Variants in SLC6A17 observed in about 807,000 individuals in gnomAD.
SLC6A17 encodes the protein sodium-dependent neutral amino acid transporter SLC6A17.
Under a neutral mutation model 64.5 loss-of-function variants are expected in SLC6A17, and 21 were observed. The observed-to-expected ratio is 0.33, with a 90% CI of 0.23 to 0.47. The LOEUF (loss-of-function observed/expected upper bound fraction) is 0.47. Ranked by LOEUF, SLC6A17 falls within the 20% of genes least tolerant of loss-of-function variation. SLC6A17 has a pLI of 1.00. For synonymous variants in SLC6A17, 372 were observed against 399.5 expected (o/e 0.93, Z 0.82); for missense variants, 682 against 963.2 (o/e 0.71, Z 3.86).
intron 1 of SLC6A17, among the ~76,000 whole-genome samples, chr1:110,165,594 A>T (rs539763968): frequency 1.3e-5 from 2 of 152,138 alleles, no homozygotes; most frequent in Non-Finnish European, 2.9e-5. Context: ...GTTTCATTAC[A>T]TGTGTAACAG....
In SLC6A17 at chr1:110,201,064, C is replaced by G. The variant is rs962317531; in HGVS notation, c.*2620C>G. ...GGCGTTAAGGGAAAAAAAAAATCCT[C>G]AAATTTATTTACCAGTCAGCTTCTT... On this transcript the variant is annotated 3_prime_UTR_variant, in exon 12 of 12. Transcript: ENST00000331565. 3.3e-5 allele frequency: 5 copies of G among 152,094 alleles called. No homozygotes were observed. The highest frequency in any genetic ancestry group is 1.2e-4 in the African/African-American group (5 of 41,404). The allele number at this position is 152,094 out of a possible 1,614,324, so 9.4% of individuals were successfully genotyped here.
At position 110,198,548 on chromosome 1, in the gene SLC6A17, T is replaced by A; in HGVS notation, c.*104T>A. Reference sequence around the variant, plus strand: ...GGCCACCAGGCCCAGGCCAGGCCCTTTGCCCAAGAAGAGAGGGTCTGCCCT... The same window carrying A: ...GGCCACCAGGCCCAGGCCAGGCCCTATGCCCAAGAAGAGAGGGTCTGCCCT... On this transcript the variant is annotated 3_prime_UTR_variant, in exon 12 of 12. Coordinates refer to ENST00000331565, the MANE Select transcript of SLC6A17 (RefSeq NM_001010898.4). The A allele has an allele frequency of 6.6e-7, 1 of 1,504,654 alleles. No individual in the cohort carries two copies. Among genetic ancestry groups the A allele is most frequent in the Non-Finnish European group, 8.8e-7 (1 of 1,133,084 alleles). The allele number at this position is 1,504,654 out of a possible 1,614,324, so 93.2% of individuals were successfully genotyped here.
intron 5 of SLC6A17, 23 bp from the exon 6 acceptor site, chr1:110,176,606 G>C: frequency 1.2e-6 from 2 of 1,610,432 alleles, no homozygotes; most frequent in Non-Finnish European, 1.7e-6. Flanking sequence ...CTGCCTGATG[G>C]GGGTTCCCTG....
Position 110,198,380 on chromosome 1 carries a change from G to A in SLC6A17, c.2120G>A (p.Gly707Asp). The A allele has an allele frequency of 1.2e-6, 2 of 1,614,028 alleles. No individual in the cohort carries two copies. The highest frequency in any genetic ancestry group is 1.7e-4 in the Middle Eastern group (1 of 6,060). Residue 707 changes from glycine (G) to aspartate (D), a missense_variant, in exon 12 of 12, where the codon GGT (glycine) becomes GAT (aspartate). Transcript: ENST00000331565. ...PGSTSPLETS[G>D]NPNGRYGSGY... Reference sequence around the variant, plus strand: ...AGCACATCACCCCTGGAGACCAGCGGTAACCCCAATGGACGCTATGGGAGC... The same window carrying A: ...AGCACATCACCCCTGGAGACCAGCGATAACCCCAATGGACGCTATGGGAGC...
chr1:110,163,018 TAA>T (rs67702050), intron 1 of SLC6A17, among the ~76,000 whole-genome samples: 9,899 of 102,060 alleles, frequency 0.097, 392 homozygotes, highest in African/African-American at 0.16. Context: ...CCCATGTTGG[TAA>T]AAAAAAAAAA....
Position 110,195,760 on chromosome 1 carries a change from G to A in SLC6A17, c.1652+15G>A, listed in dbSNP as rs1051963592. ...GGAACCAAGAAGTAAGAGGAACATGGGGGAAAGGTGGGATGGGAGGAGGGG... is the reference window on the plus strand; with the variant it reads ...GGAACCAAGAAGTAAGAGGAACATGAGGGAAAGGTGGGATGGGAGGAGGGG... On this transcript the variant is annotated intron_variant, in intron 10 of 11. Coordinates refer to ENST00000331565, the MANE Select transcript of SLC6A17 (RefSeq NM_001010898.4). 1 of 1,613,966 alleles carries A rather than the reference G, an allele frequency of 6.2e-7. No individual in the cohort carries two copies. Among genetic ancestry groups the A allele is most frequent in the Non-Finnish European group, 8.5e-7 (1 of 1,179,860 alleles).
chr1:110,166,883 C>T lies in SLC6A17; in HGVS notation c.-47C>T. The T allele has an allele frequency of 6.5e-7, 1 of 1,547,346 alleles. No individual in the cohort carries two copies. The highest frequency in any genetic ancestry group is 8.7e-7 in the Non-Finnish European group (1 of 1,143,622). ...GGAGCTGACAGCAGCTGAATTCCAT[C>T]TTCTCTGTGTGCTGGGGAGCAGGGC... is the stretch of plus-strand genomic sequence containing the variant. On this transcript the variant is annotated 5_prime_UTR_variant, in exon 2 of 12. Transcript: ENST00000331565.
At chr1:110,174,138 G>A in intron 4 of SLC6A17, 39 bp downstream of exon 4, 3 of 1,607,404 alleles carry the variant, frequency 1.9e-6, no homozygotes, top group Non-Finnish European at 2.5e-6. Flanking sequence ...AGCCAGCCCT[G>A]TCCCAGGAAG....
In SLC6A17 at chr1:110,192,307, G is replaced by T; in HGVS notation, c.1106+94G>T. On this transcript the variant is annotated intron_variant, in intron 7 of 11. Coordinates refer to ENST00000331565, the MANE Select transcript of SLC6A17 (RefSeq NM_001010898.4). The surrounding 1 kb of genome is among the most constrained non-coding windows in gnomAD (Gnocchi z 4.3). ...GGGCGCAGGTGTGCATGGGGAGAGA[G>T]GTCCCCTCCACTCAGACTGAGGAAT... 1 of 1,524,972 alleles carries T rather than the reference G, an allele frequency of 6.6e-7. No individual in the cohort carries two copies. Among genetic ancestry groups the T allele is most frequent in the Non-Finnish European group, 8.9e-7 (1 of 1,124,464 alleles). The allele number at this position is 1,524,972 out of a possible 1,614,324, so 94.5% of individuals were successfully genotyped here.
In SLC6A17 at chr1:110,160,677, A is replaced by G. The variant is rs1010956084; in HGVS notation, c.-87-6166A>G. ...CTCACAGACTCGCAGGAGTTGTCAT[A>G]GAGGCGAGGCAGGGGACCTAGAAGG... On this transcript the variant is annotated intron_variant, in intron 1 of 11. Coordinates refer to ENST00000331565, the MANE Select transcript of SLC6A17 (RefSeq NM_001010898.4). 2.0e-5 allele frequency among the ~76,000 whole-genome samples: 3 copies of G among 152,362 alleles called. No individual in the cohort carries two copies. In the South Asian group the frequency reaches 6.2e-4, roughly 32 times the overall value.
chr1:110,190,669 C>T (rs556336462), intron 6 of SLC6A17, among the ~76,000 whole-genome samples: 1 of 152,330 alleles, frequency 6.6e-6, no homozygotes, highest in South Asian at 2.1e-4. Context: ...AGGACCCACA[C>T]AGGGCTTGTC....
rs1656841317 is a variant in SLC6A17 at position 110,192,070 on chromosome 1, C to T, written c.963C>T (p.Ser321=). 1 of 1,614,092 alleles carries T rather than the reference C, an allele frequency of 6.2e-7. No individual in the cohort carries two copies. The highest frequency in any genetic ancestry group is 1.3e-5 in the African/African-American group (1 of 74,924). ...TTGGTGGTGTCATTGCCTTCTCCAG[C>T]TACAATAAGCAGGACAACAACTGCC... ...LGFGGVIAFS[S]YNKQDNNCHF... The change falls in exon 7 of 12, where the codon AGC becomes AGT. Residue 321 remains serine, a synonymous_variant. Transcript: ENST00000331565. The surrounding 1 kb of genome is among the most constrained non-coding windows in gnomAD (Gnocchi z 4.3).
At chr1:110,190,662 A>G (rs1016287977) in intron 6 of SLC6A17, among the ~76,000 whole-genome samples, 1 of 152,190 alleles carries the variant, frequency 6.6e-6, no homozygotes, top group African/African-American at 2.4e-5. Context: ...CCGGGCCAGG[A>G]CCCACACAGG....
intron 1 of SLC6A17, among the ~76,000 whole-genome samples, chr1:110,161,014 C>T (rs529142547): frequency 3.8e-4 from 58 of 152,244 alleles, no homozygotes; most frequent in African/African-American, 1.4e-3. Flanking sequence ...GGACTTGCAA[C>T]ACCTGGTGGG....
intron 1 of SLC6A17, among the ~76,000 whole-genome samples, chr1:110,151,230 C>T (rs2101833935): frequency 6.6e-6 from 1 of 152,326 alleles, no homozygotes; most frequent in African/African-American, 2.4e-5. Context: ...CCGGAGGGGG[C>T]CTGTCCGGCC....
chr1:110,159,922 G>A (rs1433945885), intron 1 of SLC6A17, among the ~76,000 whole-genome samples: 1 of 152,128 alleles, frequency 6.6e-6, no homozygotes, highest in African/African-American at 2.4e-5. Context: ...TATTTATCAT[G>A]CTCATATTAT....
At position 110,174,977 on chromosome 1, in the gene SLC6A17, G is replaced by A. The variant is rs377380238; in HGVS notation, c.753+17G>A. The A allele has an allele frequency of 1.3e-5, 21 of 1,607,782 alleles. No individual in the cohort carries two copies. Reference sequence around the variant, plus strand: ...TCGGGGAAGGTGAGTGCTGAGGGGGGCACCCAGGACCCAAATGGGGAACAG... The same window carrying A: ...TCGGGGAAGGTGAGTGCTGAGGGGGACACCCAGGACCCAAATGGGGAACAG... On this transcript the variant is annotated intron_variant, in intron 5 of 11. Coordinates refer to ENST00000331565, the MANE Select transcript of SLC6A17 (RefSeq NM_001010898.4).
chr1:110,167,043 G>C lies in SLC6A17; in HGVS notation c.114G>C (p.Leu38=), dbSNP rs769456094. The change falls in exon 2 of 12, where the codon CTG becomes CTC. Residue 38 remains leucine (L), a synonymous_variant. Transcript: ENST00000331565. ...EEPVDYKQSV[L]NVAGEAGGKQ... is the part of the protein sequence containing the mutation. ...CTGTGGACTATAAGCAGAGTGTACT[G>C]AATGTGGCTGGTGAGGCAGGCGGCA... The C allele has an allele frequency of 1.2e-5, 20 of 1,612,512 alleles. No individual in the cohort carries two copies. In the Admixed American group the frequency reaches 3.2e-4, roughly 26 times the overall value.
chr1:110,174,586 C>T lies in SLC6A17; in HGVS notation c.572-193C>T, dbSNP rs145726036. Among the ~76,000 whole-genome samples, 174 of 152,288 alleles carry T rather than the reference C, an allele frequency of 1.1e-3. 2 individuals are homozygous for T. The highest frequency in any genetic ancestry group is 4.0e-3 in the African/African-American group (165 of 41,552). ...CCAGGCTGGTGTGTCCTGAAGCCTC[C>T]CAGACCCCAGTGGGAGCCTAGGATT... On this transcript the variant is annotated intron_variant, in intron 4 of 11. Coordinates refer to ENST00000331565, the MANE Select transcript of SLC6A17 (RefSeq NM_001010898.4).
Sources: gnomAD v4.1 joint callset for allele counts (sites outside exome capture counted in the v4.1 genomes callset) on GRCh38, gnomAD v4.1.1 for gene constraint, Gnocchi (gnomAD v3.1) non-coding constraint, MANE v1.5 for transcripts, NCBI Gene and HGNC (gene_info 2026-07-23, HGNC 2026-07-21) for gene names.